ADGRL3: variants seen among roughly 807,000 people sequenced by gnomAD.
ADGRL3 encodes the protein adhesion G protein-coupled receptor L3, also known as calcium-independent alpha-latrotoxin receptor 3.
Under a neutral mutation model 153.5 loss-of-function variants are expected in ADGRL3, and 62 were observed. The observed-to-expected ratio is 0.40, with a 90% CI of 0.33 to 0.50. ADGRL3 has a LOEUF of 0.50. Among genes scored for constraint, ADGRL3 ranks in the 20% least tolerant of loss-of-function variants. ADGRL3 has a pLI of 0.47. For missense variants in ADGRL3, 1,641 were observed against 1,859.4 expected, an observed-to-expected ratio of 0.88 and a Z score of 2.16; for synonymous variants, 710 against 672.5, an observed-to-expected ratio of 1.06 and a Z score of -0.86.
chr4:61,514,217 G>GGAAACT (rs2098479232), intron 3 of ADGRL3, among the ~76,000 whole-genome samples: 1 of 152,182 alleles, frequency 6.6e-6, no homozygotes, highest in Non-Finnish European at 1.5e-5. Flanking sequence ...AGCTGCTTCA[G>GGAAACT]ATGCTATTGT....
intron 2 of ADGRL3, among the ~76,000 whole-genome samples, chr4:61,412,092 C>CTTT (rs1184728379): frequency 2.7e-5 from 1 of 36,800 alleles, no homozygotes; most frequent in Non-Finnish European, 1.0e-4. Flanking sequence ...TTGTTGTGGT[C>CTTT]TTTTTGTTTG....
rs1011774717 is a variant in ADGRL3, at chr4:61,402,436, G to T, written c.-174+19247G>T. Among the ~76,000 whole-genome samples, 3 of 152,100 alleles carry T rather than the reference G, an allele frequency of 2.0e-5. No individual in the cohort carries two copies. The South Asian group carries it at 6.2e-4, about 32-fold the overall frequency. On this transcript the variant is annotated intron_variant, in intron 2 of 26. Transcript: ENST00000683033. Reference sequence around the variant, plus strand: ...TACATGGATTTGGTAGGTTCAATAAGTAGCACTGTTTTAACACATACGAAT... The same window carrying T: ...TACATGGATTTGGTAGGTTCAATAATTAGCACTGTTTTAACACATACGAAT...
chr4:62,062,880 C>A (rs1740943489), intron 25 of ADGRL3, among the ~76,000 whole-genome samples: 1 of 151,950 alleles, frequency 6.6e-6, no homozygotes, highest in African/African-American at 2.4e-5. Flanking sequence ...TTTGTAAGAT[C>A]ACCAAATTAG....
At chr4:61,285,909 A>G (rs2093922870) in intron 1 of ADGRL3, among the ~76,000 whole-genome samples, 1 of 151,788 alleles carries the variant, frequency 6.6e-6, no homozygotes, top group Admixed American at 6.6e-5. Flanking sequence ...CATGCAAAGG[A>G]GAACTACAGA....
intron 17 of ADGRL3, among the ~76,000 whole-genome samples, chr4:61,971,492 A>C (rs10008487): frequency 0.021 from 3,261 of 152,110 alleles, 126 homozygotes; most frequent in African/African-American, 0.075. Context: ...TGAACTCATC[A>C]TTTTTTATGG....
intron 5 of ADGRL3, among the ~76,000 whole-genome samples, chr4:61,659,411 C>T (rs1449353778): frequency 6.6e-6 from 1 of 152,142 alleles, no homozygotes; most frequent in East Asian, 1.9e-4. Flanking sequence ...CTAAGAGATA[C>T]TGAGTTCTTG....
At chr4:61,319,427 T>C (rs2095308077) in intron 1 of ADGRL3, among the ~76,000 whole-genome samples, 1 of 152,206 alleles carries the variant, frequency 6.6e-6, no homozygotes, top group Non-Finnish European at 1.5e-5. Flanking sequence ...TATATGTTTA[T>C]AGTTAGATCT....
At chr4:61,228,490 A>G (rs574918844) in intron 1 of ADGRL3, among the ~76,000 whole-genome samples, 2 of 152,264 alleles carry the variant, frequency 1.3e-5, no homozygotes, top group South Asian at 4.1e-4. Flanking sequence ...CAGTGTCATC[A>G]ATCGCAATAA....
At chr4:61,388,184 A>G (rs1338952668) in intron 2 of ADGRL3, among the ~76,000 whole-genome samples, 1 of 152,164 alleles carries the variant, frequency 6.6e-6, no homozygotes, top group African/African-American at 2.4e-5. Flanking sequence ...CAGAGTCAAT[A>G]GAGGACCTTG....
intron 8 of ADGRL3, among the ~76,000 whole-genome samples, chr4:61,793,579 G>A (rs1419685451): frequency 6.6e-6 from 1 of 152,174 alleles, no homozygotes; most frequent in African/African-American, 2.4e-5. Flanking sequence ...TGAGATTTGG[G>A]TGGGGACACA....
intron 5 of ADGRL3, among the ~76,000 whole-genome samples, chr4:61,623,673 C>A (rs2149879871): frequency 6.6e-6 from 1 of 152,226 alleles, no homozygotes; most frequent in South Asian, 2.1e-4. Flanking sequence ...TTACTACATT[C>A]TTCATATGTG....
intron 9 of ADGRL3, among the ~76,000 whole-genome samples, chr4:61,871,026 C>A (rs6848687): frequency 0.57 from 87,269 of 151,774 alleles, 25,529 homozygotes; most frequent in African/African-American, 0.65. Context: ...TGCCTGTAAT[C>A]CCAGCTCTTT....
intron 1 of ADGRL3, among the ~76,000 whole-genome samples, chr4:61,376,569 C>G (rs955359011): frequency 6.6e-6 from 1 of 151,976 alleles, no homozygotes; most frequent in Non-Finnish European, 1.5e-5. Flanking sequence ...AACCCCCTGC[C>G]CCAGGTCATT....
At chr4:61,903,355 T>C (rs2098675477) in intron 11 of ADGRL3, among the ~76,000 whole-genome samples, 1 of 152,178 alleles carries the variant, frequency 6.6e-6, no homozygotes, top group Non-Finnish European at 1.5e-5. Context: ...TCATACACTT[T>C]CCTGTCACAA....
At chr4:61,452,943 T>C (rs2097692534) in intron 2 of ADGRL3, among the ~76,000 whole-genome samples, 3 of 152,162 alleles carry the variant, frequency 2.0e-5, no homozygotes, top group Admixed American at 2.0e-4. Context: ...ATATTAGGTT[T>C]CATGTTAATT....
rs963313835 is a variant in ADGRL3, at chr4:61,948,122, C to G, written c.2651C>G (p.Pro884Arg). 6.2e-6 allele frequency: 10 copies of G among 1,612,054 alleles called. No homozygotes were observed. The highest frequency in any genetic ancestry group is 2.7e-5 in the African/African-American group (2 of 74,848). Reference sequence around the variant, plus strand: ...TAGCAGTCAGAGGAAAATTTCAACCCTAACTGTTCATTTTGGAGCTACTCC... The same window carrying G: ...TAGCAGTCAGAGGAAAATTTCAACCGTAACTGTTCATTTTGGAGCTACTCC... Reference protein sequence around the residue: ...HIKQSEENFNPNCSFWSYSKR... With the variant: ...HIKQSEENFNRNCSFWSYSKR... Residue 884 changes from proline (P) to arginine (R), a missense_variant, in exon 17 of 27, where the codon CCT (proline) becomes CGT (arginine). Transcript: ENST00000683033.
At chr4:61,979,198 T>G (rs1581722812) in intron 17 of ADGRL3, among the ~76,000 whole-genome samples, 1 of 152,190 alleles carries the variant, frequency 6.6e-6, no homozygotes, top group South Asian at 2.1e-4. Context: ...CTACTGGAGA[T>G]GGTCTGAAAA....
intron 1 of ADGRL3, among the ~76,000 whole-genome samples, chr4:61,270,860 T>C (rs1247830176): frequency 6.6e-6 from 1 of 151,748 alleles, no homozygotes; most frequent in Non-Finnish European, 1.5e-5. Flanking sequence ...CCTGATACTG[T>C]TGTTTTCTAA....
At chr4:61,293,648 T>A (rs1449164678) in intron 1 of ADGRL3, among the ~76,000 whole-genome samples, 2 of 152,196 alleles carry the variant, frequency 1.3e-5, no homozygotes, top group Non-Finnish European at 2.9e-5. Flanking sequence ...GATGACAGTG[T>A]TTTGATTAAT....
Sources: allele counts gnomAD v4.1 joint callset (sites outside exome capture counted in the v4.1 genomes callset), GRCh38; gene constraint gnomAD v4.1.1; transcripts MANE v1.5; gene names NCBI Gene and HGNC (gene_info 2026-07-23, HGNC 2026-07-21).